TNIK: variants seen among roughly 807,000 people sequenced by gnomAD.
TNIK encodes the protein TRAF2 and NCK interacting kinase, also known as TRAF2 and NCK-interacting protein kinase.
In TNIK, 49 loss-of-function variants were observed where a neutral mutation model predicts 191.3. The ratio of observed to expected loss-of-function variants is 0.26; its 90% confidence interval spans 0.20 to 0.32. The LOEUF is 0.32. TNIK is among the 10% of genes least tolerant of loss of function. TNIK has a pLI of 1.00. For synonymous variants in TNIK, 594 were observed against 600.9 expected (o/e 0.99, Z 0.17); for missense variants, 1,155 against 1,702.3 (o/e 0.68, Z 5.66).
chr3:171,094,232 T>C (rs188980617), intron 22 of TNIK, among the ~76,000 whole-genome samples: 1 of 152,162 alleles, frequency 6.6e-6, no homozygotes, highest in East Asian at 1.9e-4. Flanking sequence ...CCTCCCAGGT[T>C]CACGCCATTC....
At chr3:171,285,141 C>G (rs546820129) in intron 2 of TNIK, among the ~76,000 whole-genome samples, 62 of 152,170 alleles carry the variant, frequency 4.1e-4, no homozygotes, top group Admixed American at 1.6e-3. Flanking sequence ...TTAAAGGATA[C>G]AGACTATTTA....
chr3:171,417,924 C>T (rs1021549186), intron 1 of TNIK, among the ~76,000 whole-genome samples: 1 of 152,186 alleles, frequency 6.6e-6, no homozygotes, highest in Non-Finnish European at 1.5e-5. Flanking sequence ...TTTATTTCAG[C>T]AACTGAGCCT....
At chr3:171,288,591 A>G (rs1751313113) in intron 2 of TNIK, among the ~76,000 whole-genome samples, 1 of 151,958 alleles carries the variant, frequency 6.6e-6, no homozygotes, top group African/African-American at 2.4e-5. Context: ...GGCAGATCAC[A>G]AGGTCAGGAG....
intron 27 of TNIK, 90 bp downstream of exon 27, chr3:171,082,161 G>T (rs1720776479): frequency 8.7e-6 from 13 of 1,492,216 alleles, no homozygotes; most frequent in Non-Finnish European, 9.0e-7. Context: ...TTGTTAGCTG[G>T]GAAGGGCAGA....
At chr3:171,271,989 A>T (rs1373040100) in intron 2 of TNIK, among the ~76,000 whole-genome samples, 2 of 152,236 alleles carry the variant, frequency 1.3e-5, no homozygotes, top group Admixed American at 1.3e-4. Context: ...CATTTGTTAA[A>T]CTTAATTGTT....
intron 2 of TNIK, among the ~76,000 whole-genome samples, chr3:171,314,186 C>G (rs1016062325): frequency 1.3e-5 from 2 of 152,134 alleles, no homozygotes; most frequent in Non-Finnish European, 2.9e-5. Context: ...CCTTTACAAC[C>G]ACATCTCTTA....
At chr3:171,422,972 C>CT in intron 1 of TNIK, among the ~76,000 whole-genome samples, 1 of 152,142 alleles carries the variant, frequency 6.6e-6, no homozygotes, top group Non-Finnish European at 1.5e-5. Flanking sequence ...TGAACTTTCC[C>CT]TTTTTTTAAC....
chr3:171,337,336 C>T lies in TNIK; in HGVS notation c.123+32284G>A, dbSNP rs564097181. Among the ~76,000 whole-genome samples the T allele has an allele frequency of 3.3e-5, 5 of 152,122 alleles. No individual in the cohort carries two copies. The South Asian group carries it at 6.2e-4, about 19-fold the overall frequency. On this transcript the variant is annotated intron_variant, in intron 2 of 32. Transcript: ENST00000436636. ...TCTGTGCTTCCTGGACAGAGGAAGT[C>T]GCAAGAGGAACGGAAAGCAGGTTTT...
At chr3:171,133,829 A>C (rs1200050691) in intron 15 of TNIK, among the ~76,000 whole-genome samples, 3 of 152,234 alleles carry the variant, frequency 2.0e-5, no homozygotes, top group Non-Finnish European at 4.4e-5. Context: ...ATACACAGTG[A>C]TTTCAAAGTC....
intron 18 of TNIK, among the ~76,000 whole-genome samples, chr3:171,121,479 T>C (rs1727734762): frequency 6.6e-6 from 1 of 152,168 alleles, no homozygotes; most frequent in Non-Finnish European, 1.5e-5. Flanking sequence ...TGGAGCTTTC[T>C]CTCTTGAGAT....
At chr3:171,442,401 C>G (rs992292476) in intron 1 of TNIK, among the ~76,000 whole-genome samples, 5 of 152,150 alleles carry the variant, frequency 3.3e-5, no homozygotes, top group African/African-American at 1.2e-4. Context: ...AACATACACA[C>G]TAATTAAAGG....
At chr3:171,410,576 G>A (rs553557741) in intron 1 of TNIK, among the ~76,000 whole-genome samples, 4 of 152,072 alleles carry the variant, frequency 2.6e-5, no homozygotes, top group South Asian at 2.1e-4. Context: ...TCAGGAGATC[G>A]AGACCATCCT....
intron 2 of TNIK, among the ~76,000 whole-genome samples, chr3:171,265,050 C>G (rs1172359770): frequency 6.6e-6 from 1 of 152,122 alleles, no homozygotes; most frequent in East Asian, 1.9e-4. Flanking sequence ...GCATGGCACA[C>G]AAAATGAGTG....
intron 2 of TNIK, among the ~76,000 whole-genome samples, chr3:171,304,301 C>G (rs1376712287): frequency 1.3e-5 from 2 of 152,092 alleles, no homozygotes; most frequent in Non-Finnish European, 2.9e-5. Flanking sequence ...AAATCAAAAC[C>G]ACAATGAGAT....
intron 15 of TNIK, among the ~76,000 whole-genome samples, chr3:171,137,092 A>G (rs370939572): frequency 1.3e-4 from 19 of 150,044 alleles, no homozygotes; most frequent in African/African-American, 4.1e-4. Context: ...AAAGTACAAA[A>G]AAGTTTTTAA....
chr3:171,373,666 G>A (rs1301262615), intron 1 of TNIK, among the ~76,000 whole-genome samples: 1 of 152,082 alleles, frequency 6.6e-6, no homozygotes. Context: ...TCATTCTTAG[G>A]CCTGGCCTCG....
At chr3:171,404,882 C>T (rs17476883) in intron 1 of TNIK, among the ~76,000 whole-genome samples, 2,324 of 152,210 alleles carry the variant, frequency 0.015, 29 homozygotes, top group Non-Finnish European at 0.025. Context: ...TTTCTCTATG[C>T]CAAGCCTATA....
chr3:171,143,770 C>A (rs6791187), intron 12 of TNIK, among the ~76,000 whole-genome samples: 50,120 of 152,054 alleles, frequency 0.33, 8,423 homozygotes, highest in Non-Finnish European at 0.35. Flanking sequence ...TGCAAACTGG[C>A]TAAGTAATAG....
At chr3:171,167,476 A>C (rs1016939012) in intron 9 of TNIK, among the ~76,000 whole-genome samples, 2 of 152,208 alleles carry the variant, frequency 1.3e-5, no homozygotes, top group Non-Finnish European at 2.9e-5. Flanking sequence ...CAATTGAGGT[A>C]GCAGAAGGTA....
Sources: gnomAD v4.1 joint callset for allele counts (sites outside exome capture counted in the v4.1 genomes callset) on GRCh38, gnomAD v4.1.1 for gene constraint, MANE v1.5 for transcripts, NCBI Gene and HGNC (gene_info 2026-07-23, HGNC 2026-07-21) for gene names.